Variants in CNTNAP2 observed in about 807,000 individuals in gnomAD.
CNTNAP2 encodes contactin associated protein 2, also known as contactin-associated protein-like 2.
CNTNAP2 carries 98 observed loss-of-function variants against 155.2 expected under a neutral mutation model. The ratio of observed to expected loss-of-function variants is 0.63; its 90% CI spans 0.54 to 0.75. CNTNAP2 has a LOEUF of 0.75. Among genes scored for constraint, CNTNAP2 ranks in the 30% least tolerant of loss-of-function variants. The pLI, the probability that CNTNAP2 is intolerant of heterozygous loss-of-function variation, is 0.00. For synonymous variants in CNTNAP2, 651 were observed against 631.2 expected (o/e 1.03, Z -0.47); for missense variants, 1,727 against 1,688.1 (o/e 1.02, Z -0.40).
chr7:147,714,017 C>G (rs1203092742), intron 13 of CNTNAP2, among the ~76,000 whole-genome samples: 1 of 152,072 alleles, frequency 6.6e-6, no homozygotes, highest in East Asian at 1.9e-4. Flanking sequence ...CCATTTGCAT[C>G]CCATTACTAG....
At chr7:147,073,520 A>G (rs1437934203) in intron 4 of CNTNAP2, among the ~76,000 whole-genome samples, 3 of 152,172 alleles carry the variant, frequency 2.0e-5, no homozygotes, top group Non-Finnish European at 4.4e-5. Context: ...GAGGTAATTG[A>G]AACCGTGTTT....
intron 13 of CNTNAP2, among the ~76,000 whole-genome samples, chr7:147,786,344 A>G (rs978694526): frequency 2.0e-5 from 3 of 150,360 alleles, no homozygotes; most frequent in African/African-American, 7.5e-5. Context: ...TCCTCACCAG[A>G]CCCAAAGACT....
intron 1 of CNTNAP2, among the ~76,000 whole-genome samples, chr7:146,145,727 C>T (rs1797948467): frequency 6.6e-6 from 1 of 152,150 alleles, no homozygotes; most frequent in African/African-American, 2.4e-5. Flanking sequence ...GAGAAACTCC[C>T]ACACTGATTT....
At chr7:147,963,943 T>A (rs1801160271) in intron 14 of CNTNAP2, among the ~76,000 whole-genome samples, 1 of 152,142 alleles carries the variant, frequency 6.6e-6, no homozygotes, top group Non-Finnish European at 1.5e-5. Flanking sequence ...TAAAACATTA[T>A]ATATAACCAT....
chr7:148,306,381 G>A lies in CNTNAP2; in HGVS notation c.3475+39255G>A, dbSNP rs540121451. Among the ~76,000 whole-genome samples the A allele has an allele frequency of 1.6e-4, 25 of 152,192 alleles. No homozygotes were observed. In the East Asian group the frequency reaches 4.6e-3, roughly 28 times the overall value. On this transcript the variant is annotated intron_variant, in intron 21 of 23. Coordinates refer to ENST00000361727, the MANE Select transcript of CNTNAP2 (RefSeq NM_014141.6). ...TGAACTCTAGGAATAGATTTTGGGG[G>A]ACAATTTCTTCTTTCATTTCCTGTT...
chr7:146,423,633 C>T (rs1461284931), intron 1 of CNTNAP2, among the ~76,000 whole-genome samples: 1 of 152,174 alleles, frequency 6.6e-6, no homozygotes, highest in Non-Finnish European at 1.5e-5. Context: ...AGAGGAATGT[C>T]CAGAAGCCTT....
intron 8 of CNTNAP2, among the ~76,000 whole-genome samples, chr7:147,227,273 T>C (rs2132592): frequency 0.72 from 109,530 of 151,902 alleles, 40,144 homozygotes; most frequent in African/African-American, 0.84. Context: ...AAGATGAAGT[T>C]GAATAGGGCT....
At chr7:146,506,504 G>A (rs1089449) in intron 1 of CNTNAP2, among the ~76,000 whole-genome samples, 35,165 of 152,124 alleles carry the variant, frequency 0.23, 4,351 homozygotes, top group East Asian at 0.43. Context: ...TCCAACCACC[G>A]GACCTGGCCA....
At chr7:146,246,149 G>T (rs182319649) in intron 1 of CNTNAP2, among the ~76,000 whole-genome samples, 1 of 151,802 alleles carries the variant, frequency 6.6e-6, no homozygotes, top group African/African-American at 2.4e-5. Flanking sequence ...AGTGGGGTAA[G>T]GGTGATTAGG....
intron 1 of CNTNAP2, among the ~76,000 whole-genome samples, chr7:146,305,237 A>G (rs1800688043): frequency 6.6e-6 from 1 of 152,096 alleles, no homozygotes. Flanking sequence ...AGCTCAGAGA[A>G]GTTTGTTGTT....
At chr7:147,084,828 T>C (rs1296310839) in intron 4 of CNTNAP2, among the ~76,000 whole-genome samples, 2 of 148,928 alleles carry the variant, frequency 1.3e-5, no homozygotes, top group African/African-American at 4.9e-5. Flanking sequence ...ATATATAATT[T>C]ATATATATGC....
chr7:146,285,439 A>C (rs746241182), intron 1 of CNTNAP2, among the ~76,000 whole-genome samples: 2 of 152,144 alleles, frequency 1.3e-5, no homozygotes, highest in Non-Finnish European at 2.9e-5. Flanking sequence ...CCTTTATGTT[A>C]GTGAAAACTG....
At chr7:148,297,515 G>A (rs1261531194) in intron 21 of CNTNAP2, among the ~76,000 whole-genome samples, 1 of 152,140 alleles carries the variant, frequency 6.6e-6, no homozygotes, top group Non-Finnish European at 1.5e-5. Flanking sequence ...GAACCATAGA[G>A]GCATCTCAGT....
At chr7:147,174,058 A>G (rs921624587) in intron 8 of CNTNAP2, among the ~76,000 whole-genome samples, 6 of 152,134 alleles carry the variant, frequency 3.9e-5, no homozygotes, top group Non-Finnish European at 7.4e-5. Flanking sequence ...TGAATCATGT[A>G]TGTCCTCAAA....
chr7:146,657,712 A>G (rs1800018997), intron 1 of CNTNAP2, among the ~76,000 whole-genome samples: 1 of 152,138 alleles, frequency 6.6e-6, no homozygotes, highest in Admixed American at 6.6e-5. Flanking sequence ...TCTAAGGTAC[A>G]GACCTCCTGC....
chr7:148,286,048 C>T (rs1184164151), intron 21 of CNTNAP2, among the ~76,000 whole-genome samples: 1 of 152,032 alleles, frequency 6.6e-6, no homozygotes, highest in Non-Finnish European at 1.5e-5. Context: ...AGATAAAATA[C>T]ATTTATTATT....
At chr7:146,177,607 C>T (rs879414647) in intron 1 of CNTNAP2, among the ~76,000 whole-genome samples, 7 of 152,158 alleles carry the variant, frequency 4.6e-5, no homozygotes, top group African/African-American at 1.2e-4. Flanking sequence ...TAGTTTAGTT[C>T]GTACCGGATT....
intron 17 of CNTNAP2, among the ~76,000 whole-genome samples, chr7:148,149,217 C>T (rs986850349): frequency 2.6e-5 from 4 of 152,138 alleles, no homozygotes; most frequent in Non-Finnish European, 5.9e-5. Context: ...TGTTGGCTAA[C>T]TGTGGCTGTG....
chr7:147,411,310 T>A (rs1490893902), intron 10 of CNTNAP2, among the ~76,000 whole-genome samples: 1 of 152,206 alleles, frequency 6.6e-6, no homozygotes, highest in East Asian at 1.9e-4. Context: ...AGTTAGAACT[T>A]TCCTGGCTCA....
Sources: gnomAD v4.1 joint callset for allele counts (sites outside exome capture counted in the v4.1 genomes callset) on GRCh38, gnomAD v4.1.1 for gene constraint, MANE v1.5 for transcripts, NCBI Gene and HGNC (gene_info 2026-07-23, HGNC 2026-07-21) for gene names.